The following AGBL1 variants were observed in gnomAD, a reference collection of about 807,000 sequenced individuals.
AGBL1 encodes cytosolic carboxypeptidase 4.
AGBL1 carries 130 observed loss-of-function variants against 118.9 expected under a neutral mutation model. That is an observed-to-expected ratio of 1.09 (90% CI 0.95 to 1.26). AGBL1 has a LOEUF of 1.26. Among genes scored for constraint, AGBL1 ranks in the 50% most tolerant of loss-of-function variants. The pLI, the probability that AGBL1 is intolerant of heterozygous loss-of-function variation, is 0.00. For missense variants in AGBL1, 1,584 were observed against 1,298.1 expected (o/e 1.22, Z -3.38); for synonymous variants, 555 against 478.9 (o/e 1.16, Z -2.08).
At chr15:86,375,074 A>G (rs1248574072) in intron 17 of AGBL1, among the ~76,000 whole-genome samples, 2 of 152,212 alleles carry the variant, frequency 1.3e-5, no homozygotes, top group African/African-American at 4.8e-5. Flanking sequence ...ACTTGGGTTC[A>G]ACTCTTCCCT....
intron 21 of AGBL1, among the ~76,000 whole-genome samples, chr15:86,601,375 C>G (rs2084490156): frequency 6.6e-6 from 1 of 152,048 alleles, no homozygotes; most frequent in South Asian, 2.1e-4. Context: ...GTTGCTTATA[C>G]TAATAATACA....
At chr15:86,271,286 T>A (rs1477584927) in intron 14 of AGBL1, among the ~76,000 whole-genome samples, 2 of 151,964 alleles carry the variant, frequency 1.3e-5, no homozygotes, top group African/African-American at 4.8e-5. Context: ...ATGGTCTTGA[T>A]CTCCTGACCT....
intron 21 of AGBL1, among the ~76,000 whole-genome samples, chr15:86,632,237 C>T (rs1176327409): frequency 6.9e-6 from 1 of 144,088 alleles, no homozygotes; most frequent in Non-Finnish European, 1.5e-5. Context: ...CACTGCACTC[C>T]AGCCAGGGTG....
At chr15:86,116,131 C>T (rs1567064442) in intron 1 of AGBL1, among the ~76,000 whole-genome samples, 2 of 152,072 alleles carry the variant, frequency 1.3e-5, no homozygotes, top group Admixed American at 6.6e-5. Context: ...TGCATTTGTT[C>T]TCTCATTTAA....
At chr15:86,567,696 A>T (rs2083936499) in intron 21 of AGBL1, among the ~76,000 whole-genome samples, 1 of 152,088 alleles carries the variant, frequency 6.6e-6, no homozygotes, top group Non-Finnish European at 1.5e-5. Flanking sequence ...TTCTTTCATT[A>T]ATGTAATCTG....
At chr15:86,545,272 A>G (rs188097351) in intron 19 of AGBL1, among the ~76,000 whole-genome samples, 6 of 152,334 alleles carry the variant, frequency 3.9e-5, no homozygotes, top group Admixed American at 1.3e-4. Context: ...TTGATAAGCC[A>G]TTGTGTTTTG....
chr15:86,281,392 A>G (rs913440579), intron 16 of AGBL1, among the ~76,000 whole-genome samples: 1 of 152,044 alleles, frequency 6.6e-6, no homozygotes, highest in Non-Finnish European at 1.5e-5. Flanking sequence ...AAAAAACAAA[A>G]CCAAAAGCAG....
At chr15:86,864,019 C>G (rs900724780) in intron 22 of AGBL1, among the ~76,000 whole-genome samples, 1 of 152,100 alleles carries the variant, frequency 6.6e-6, no homozygotes, top group African/African-American at 2.4e-5. Flanking sequence ...CAGCAAAGTC[C>G]CACCTGCTTG....
At chr15:86,595,720 T>C (rs1259663293) in intron 21 of AGBL1, among the ~76,000 whole-genome samples, 1 of 152,138 alleles carries the variant, frequency 6.6e-6, no homozygotes, top group African/African-American at 2.4e-5. Context: ...AGAAAAAGTT[T>C]AATTAATGCA....
chr15:86,816,080 G>T (rs79545780), intron 22 of AGBL1, among the ~76,000 whole-genome samples: 13,493 of 152,172 alleles, frequency 0.089, 648 homozygotes, highest in South Asian at 0.14. Context: ...GCAGGAAGAT[G>T]GATAAGACGT....
In AGBL1 at chr15:86,095,797, A is replaced by G. The variant is rs575963141; in HGVS notation, c.51+15774A>G. Among the ~76,000 whole-genome samples the G allele has an allele frequency of 2.2e-3, 332 of 151,948 alleles. 14 individuals are homozygous for G. In the South Asian group the frequency reaches 0.066, roughly 30 times the overall value. On this transcript the variant is annotated intron_variant, in intron 1 of 22. Transcript: ENST00000614907. ...CCTTGGAGGAACATGTCCAGCATCC[A>G]CTACATGTGATTACTGATAAGACTG...
At chr15:86,725,432 G>T (rs2086804760) in intron 22 of AGBL1, among the ~76,000 whole-genome samples, 1 of 152,180 alleles carries the variant, frequency 6.6e-6, no homozygotes, top group African/African-American at 2.4e-5. Flanking sequence ...ATTCCTGGGA[G>T]GTCAGTTTAG....
At chr15:86,106,915 G>A (rs573054281) in intron 1 of AGBL1, among the ~76,000 whole-genome samples, 1 of 152,190 alleles carries the variant, frequency 6.6e-6, no homozygotes, top group Non-Finnish European at 1.5e-5. Context: ...GTGCTGTGGA[G>A]CCCTGAGAAC....
intron 1 of AGBL1, among the ~76,000 whole-genome samples, chr15:86,093,616 A>G (rs142180410): frequency 1.4e-4 from 21 of 152,336 alleles, no homozygotes; most frequent in African/African-American, 3.8e-4. Context: ...TTCTTGAACT[A>G]AAAAATAAAA....
At chr15:86,824,091 C>G (rs575627908) in intron 22 of AGBL1, among the ~76,000 whole-genome samples, 3 of 151,820 alleles carry the variant, frequency 2.0e-5, no homozygotes, top group African/African-American at 7.3e-5. Flanking sequence ...AAGAAAAAAA[C>G]AAATAAAAGA....
chr15:86,222,732 T>C lies in AGBL1; in HGVS notation c.489-2182T>C, dbSNP rs77496658. ...AATAAGCCTCAATTTTTTTGATGAA[T>C]GTGACACTTATCATGCATTTCCAGC... On this transcript the variant is annotated intron_variant, in intron 5 of 22. Transcript: ENST00000614907. 8.1e-3 allele frequency among the ~76,000 whole-genome samples: 1,230 copies of C among 152,348 alleles called. 11 individuals are homozygous for C. The highest frequency in any genetic ancestry group is 0.014 in the Middle Eastern group (4 of 294).
At chr15:86,253,814 A>G (rs985697116) in intron 7 of AGBL1, among the ~76,000 whole-genome samples, 2 of 152,168 alleles carry the variant, frequency 1.3e-5, no homozygotes, top group Non-Finnish European at 2.9e-5. Flanking sequence ...GGTTAAGTAC[A>G]TTGTTGTATA....
At chr15:86,687,539 A>G (rs2086081847) in intron 22 of AGBL1, among the ~76,000 whole-genome samples, 1 of 152,160 alleles carries the variant, frequency 6.6e-6, no homozygotes, top group South Asian at 2.1e-4. Flanking sequence ...GGATGATTAT[A>G]TGGCTGAATA....
At chr15:86,590,160 C>T (rs764210571) in intron 21 of AGBL1, among the ~76,000 whole-genome samples, 7 of 151,992 alleles carry the variant, frequency 4.6e-5, no homozygotes, top group Non-Finnish European at 7.4e-5. Context: ...GGACAATGGC[C>T]AAAAATAGGT....
Sources: gnomAD v4.1 joint callset for allele counts (sites outside exome capture counted in the v4.1 genomes callset) on GRCh38, gnomAD v4.1.1 for gene constraint, MANE v1.5 for transcripts, NCBI Gene and HGNC (gene_info 2026-07-23, HGNC 2026-07-21) for gene names.